MBNL1: variants seen among roughly 807,000 people sequenced by gnomAD.
MBNL1 encodes muscleblind like splicing regulator 1.
Under a neutral mutation model 42.2 loss-of-function variants are expected in MBNL1, and 8 were observed. The observed-to-expected ratio is 0.19, with a 90% CI of 0.11 to 0.34. The LOEUF (loss-of-function observed/expected upper bound fraction) is 0.34. Ranked by LOEUF, MBNL1 falls within the 10% of genes least tolerant of loss-of-function variation. MBNL1 has a pLI of 1.00. For missense variants in MBNL1, 309 were observed against 495.3 expected (o/e 0.62, Z 3.57); for synonymous variants, 169 against 173.9 (o/e 0.97, Z 0.22).
At chr3:152,439,853 GTAATAATAA>G (rs1035285810) in intron 4 of MBNL1, among the ~76,000 whole-genome samples, 1 of 151,466 alleles carries the variant, frequency 6.6e-6, no homozygotes, top group Non-Finnish European at 1.5e-5. Flanking sequence ...ATCTCAAGTA[GTAATAATAA>G]TAATAATAAT....
intron 2 of MBNL1, among the ~76,000 whole-genome samples, chr3:152,347,554 A>G (rs556320282): frequency 1.6e-3 from 241 of 152,202 alleles, no homozygotes; most frequent in African/African-American, 5.6e-3. Flanking sequence ...AAAGCTTTCA[A>G]TGTGTTTGGC....
chr3:152,307,157 T>C (rs2151883731), intron 2 of MBNL1, among the ~76,000 whole-genome samples: 1 of 152,232 alleles, frequency 6.6e-6, no homozygotes, highest in South Asian at 2.1e-4. Context: ...GCCCAGCTAA[T>C]TTTTGCATTT....
chr3:152,348,818 G>C (rs1343955218), intron 2 of MBNL1, among the ~76,000 whole-genome samples: 1 of 152,004 alleles, frequency 6.6e-6, no homozygotes, highest in East Asian at 1.9e-4. Context: ...CATTTAGCCG[G>C]CAGCAGCAAT....
At chr3:152,341,183 A>T (rs1023358170) in intron 2 of MBNL1, among the ~76,000 whole-genome samples, 1 of 152,202 alleles carries the variant, frequency 6.6e-6, no homozygotes, top group Non-Finnish European at 1.5e-5. Context: ...TCATGCTTTT[A>T]TTAACACTTA....
intron 1 of MBNL1, among the ~76,000 whole-genome samples, chr3:152,279,822 A>T (rs1349335469): frequency 6.6e-6 from 1 of 152,118 alleles, no homozygotes; most frequent in Admixed American, 6.6e-5. Context: ...TGGTTGTTTG[A>T]TTATTTTATG....
At chr3:152,443,185 C>G (rs1041957914) in intron 4 of MBNL1, among the ~76,000 whole-genome samples, 5 of 145,896 alleles carry the variant, frequency 3.4e-5, no homozygotes, top group Non-Finnish European at 7.5e-5. Flanking sequence ...TAGAAACCCC[C>G]CCCCCCACAC....
At chr3:152,297,344 GTTT>G (rs1201662855) in intron 1 of MBNL1, among the ~76,000 whole-genome samples, 1 of 124,348 alleles carries the variant, frequency 8.0e-6, no homozygotes, top group Admixed American at 8.2e-5. Flanking sequence ...TGGGGATGAG[GTTT>G]TTTTTTTTTT....
At chr3:152,331,332 T>C (rs1051391253) in intron 2 of MBNL1, among the ~76,000 whole-genome samples, 1 of 152,218 alleles carries the variant, frequency 6.6e-6, no homozygotes, top group Non-Finnish European at 1.5e-5. Context: ...CACTAAGTCA[T>C]ACTGAGTCAC....
At chr3:152,314,438 T>C (rs2069234368) in intron 2 of MBNL1, among the ~76,000 whole-genome samples, 1 of 151,714 alleles carries the variant, frequency 6.6e-6, no homozygotes, top group African/African-American at 2.4e-5. Flanking sequence ...TACAATAGCG[T>C]GATCTTGGCT....
At chr3:152,410,251 C>A (rs2098535748) in intron 2 of MBNL1, among the ~76,000 whole-genome samples, 1 of 151,884 alleles carries the variant, frequency 6.6e-6, no homozygotes, top group Admixed American at 6.6e-5. Context: ...TTATTATAGC[C>A]ACAAAAAAAT....
intron 2 of MBNL1, among the ~76,000 whole-genome samples, chr3:152,314,363 T>A (rs1465536259): frequency 5.3e-5 from 8 of 151,812 alleles, no homozygotes; most frequent in African/African-American, 1.5e-4. Context: ...AAATGGTCCG[T>A]TTTGCTCCAA....
chr3:152,408,299 A>C (rs1425132992), intron 2 of MBNL1, among the ~76,000 whole-genome samples: 1 of 152,176 alleles, frequency 6.6e-6, no homozygotes, highest in African/African-American at 2.4e-5. Flanking sequence ...AAAACAAATA[A>C]CAGCATCAAA....
chr3:152,412,690 T>G (rs2098610281), intron 2 of MBNL1, among the ~76,000 whole-genome samples: 1 of 152,182 alleles, frequency 6.6e-6, no homozygotes, highest in South Asian at 2.1e-4. Flanking sequence ...CTCTGTTATT[T>G]CAGTCCAGGC....
intron 2 of MBNL1, among the ~76,000 whole-genome samples, chr3:152,402,120 G>T (rs922837068): frequency 7.2e-5 from 11 of 152,010 alleles, no homozygotes; most frequent in Non-Finnish European, 1.3e-4. Flanking sequence ...GGCAAACTCT[G>T]ACAAAGGAAA....
intron 2 of MBNL1, among the ~76,000 whole-genome samples, chr3:152,414,524 A>C (rs1030712108): frequency 2.0e-5 from 3 of 152,192 alleles, no homozygotes; most frequent in African/African-American, 7.2e-5. Context: ...TTCATTTCCT[A>C]AGATTTCAGT....
chr3:152,342,553 A>AACACACACACACAAAC lies in MBNL1; in HGVS notation c.174+42199_174+42200insAACACACACACACACA, dbSNP rs1553851233. Among the ~76,000 whole-genome samples, 713 of 146,084 alleles carry AACACACACACACAAAC rather than the reference A, an allele frequency of 4.9e-3. 6 individuals carry two copies. The highest frequency in any genetic ancestry group is 0.017 in the African/African-American group (677 of 38,944). On this transcript the variant is annotated intron_variant, in intron 2 of 9. Coordinates refer to ENST00000324210, the MANE Select transcript of MBNL1 (RefSeq NM_021038.5). Reference sequence around the variant, plus strand: ...TCTGTCTTACTGGGAAACTAAACAAAACACACACACACACACACACACACA... The same window carrying AACACACACACACAAAC: ...TCTGTCTTACTGGGAAACTAAACAAAACACACACACACAAACACACACACACACACACACACACACA...
chr3:152,273,730 C>T (rs2043243199), intron 1 of MBNL1, among the ~76,000 whole-genome samples: 1 of 152,038 alleles, frequency 6.6e-6, no homozygotes, highest in Non-Finnish European at 1.5e-5. Flanking sequence ...GAAGATGTTT[C>T]TGAAATAATA....
intron 6 of MBNL1, among the ~76,000 whole-genome samples, chr3:152,454,729 G>A (rs907957139): frequency 2.6e-5 from 4 of 151,990 alleles, no homozygotes; most frequent in Non-Finnish European, 2.9e-5. Context: ...AGTTTCTTGC[G>A]TGTGAAATTT....
intron 2 of MBNL1, among the ~76,000 whole-genome samples, chr3:152,315,537 T>TA (rs954179213): frequency 3.9e-5 from 6 of 152,184 alleles, no homozygotes; most frequent in South Asian, 2.1e-4. Flanking sequence ...TCGTATTTGA[T>TA]AAAAAAATTT....
Sources: allele counts gnomAD v4.1 joint callset (sites outside exome capture counted in the v4.1 genomes callset), GRCh38; gene constraint gnomAD v4.1.1; transcripts MANE v1.5; gene names NCBI Gene and HGNC (gene_info 2026-07-23, HGNC 2026-07-21).